Variants in PAN3 observed in about 807,000 individuals in gnomAD.
The protein encoded by PAN3 is poly(A) specific ribonuclease subunit PAN3.
Under a neutral mutation model 96.2 loss-of-function variants are expected in PAN3, and 19 were observed. The ratio of observed to expected loss-of-function variants is 0.20; its 90% CI spans 0.14 to 0.29. The LOEUF is 0.29. Among genes scored for constraint, PAN3 ranks in the 10% least tolerant of loss-of-function variants. The pLI is 1.00. For missense variants in PAN3, 882 were observed against 1,108.1 expected (o/e 0.80, Z 2.90); for synonymous variants, 433 against 406.6 (o/e 1.06, Z -0.78).
Position 28,138,809 on chromosome 13 carries a change from A to G in PAN3, c.152A>G (p.Tyr51Cys). The G allele has an allele frequency of 7.1e-7, 1 of 1,406,722 alleles. No individual in the cohort carries two copies. Among genetic ancestry groups the G allele is most frequent in the Non-Finnish European group, 9.2e-7 (1 of 1,083,312 alleles). 87.1% of individuals were successfully genotyped at this position (1,406,722 alleles called of 1,614,324 possible). A position where few individuals can be genotyped will look rare whatever the true frequency, so the allele number is the denominator to read the frequency against. Residue 51 changes from tyrosine (Y) to cysteine (C), a missense_variant, in exon 1 of 19, where the codon TAC becomes TGC. By Grantham distance (194) the Tyr-to-Cys change is radical. Coordinates refer to ENST00000380958, the MANE Select transcript of PAN3 (RefSeq NM_175854.8). ...AVGVKLKYCR[Y>C]YAKDKTCFYG... The stretch of plus-strand genomic sequence containing the variant: ...GGAGTGAAGCTGAAGTACTGCCGCT[A>G]CTACGCTAAGGATAAGACTTGCTTC...
In PAN3 at chr13:28,160,797, AAGT is replaced by A. The variant is rs988448392; in HGVS notation, c.431-13473_431-13471del. Among the ~76,000 whole-genome samples, 65 of 152,320 alleles carry A rather than the reference AAGT, an allele frequency of 4.3e-4. 1 individual carries two copies. Among genetic ancestry groups the A allele is most frequent in the African/African-American group, 1.4e-3 (59 of 41,566 alleles). On this transcript the variant is annotated intron_variant, in intron 1 of 18. Transcript: ENST00000380958. ...GATCTATTTAGATTGCTGGAAAGTT[AAGT>A]ACTTGAACTATATCGTTAGTTCTTT...
At chr13:28,149,526 C>A (rs1871100501) in intron 1 of PAN3, among the ~76,000 whole-genome samples, 1 of 152,048 alleles carries the variant, frequency 6.6e-6, no homozygotes, top group South Asian at 2.1e-4. Context: ...TTGTAAGTAG[C>A]CTAGTAGTCG....
Position 28,272,060 on chromosome 13 carries a change from G to A in PAN3, c.2038G>A (p.Ala680Thr). Residue 680 changes from alanine (A) to threonine (T), a missense_variant, in exon 14 of 19, where the codon GCC becomes ACC. Physicochemically the swap from Ala to Thr is moderately conservative, Grantham distance 58. Around this residue, in one of 3 missense-constraint regions of PAN3, gnomAD observed 364 missense variants for 513.6 expected, o/e 0.71. Transcript: ENST00000380958. Reference protein sequence around the residue: ...SQNNNPLALMAQYQQADLISL... With the variant: ...SQNNNPLALMTQYQQADLISL... ...AAATAATAATCCATTGGCATTAATG[G>A]CCCAGTACCAGGTGAGTAAGAATTA... is the stretch of plus-strand genomic sequence containing the variant. 1 of 1,566,262 alleles carries A rather than the reference G, an allele frequency of 6.4e-7. No individual in the cohort carries two copies. The highest frequency in any genetic ancestry group is 1.7e-4 in the Middle Eastern group (1 of 5,916).
At chr13:28,176,915 C>T (rs151017867) in intron 3 of PAN3, among the ~76,000 whole-genome samples, 172 of 151,594 alleles carry the variant, frequency 1.1e-3, no homozygotes, top group African/African-American at 3.8e-3. Flanking sequence ...TAACATCTTG[C>T]TCTTTGCACT....
chr13:28,217,152 A>G (rs1880881052), intron 5 of PAN3, among the ~76,000 whole-genome samples: 2 of 152,148 alleles, frequency 1.3e-5, no homozygotes, highest in South Asian at 2.1e-4. Context: ...ACAACATTTA[A>G]GCTAACGGTC....
intron 18 of PAN3, among the ~76,000 whole-genome samples, chr13:28,291,691 C>G (rs1306342583): frequency 6.6e-6 from 1 of 151,944 alleles, no homozygotes; most frequent in African/African-American, 2.4e-5. Context: ...ATTAGCTGGG[C>G]GTGGTGGCAG....
At chr13:28,203,118 A>G (rs1334614672) in intron 5 of PAN3, among the ~76,000 whole-genome samples, 3 of 149,278 alleles carry the variant, frequency 2.0e-5, no homozygotes, top group Admixed American at 2.0e-4. Context: ...GTGTGCCACC[A>G]TGCCTGGCTA....
rs140277659 is a variant in PAN3 at position 28,288,453 on chromosome 13, C to G, written c.2523+331C>G. The stretch of plus-strand genomic sequence containing the variant: ...TAGCTAGGATTACAGGCACCCATCA[C>G]CATGCGCAGCTAATCTTTAGTAGCG... On this transcript the variant is annotated intron_variant, in intron 18 of 18. Transcript: ENST00000380958. 6.3e-4 allele frequency among the ~76,000 whole-genome samples: 96 copies of G among 152,236 alleles called. 1 individual carries two copies. The East Asian group carries it at 0.014, about 23-fold the overall frequency.
intron 4 of PAN3, among the ~76,000 whole-genome samples, chr13:28,192,712 G>A (rs953086525): frequency 6.6e-6 from 1 of 152,150 alleles, no homozygotes; most frequent in African/African-American, 2.4e-5. Flanking sequence ...CGTAAGGTGT[G>A]TGTTGTGTTC....
At chr13:28,227,566 T>C (rs1882131726) in intron 6 of PAN3, among the ~76,000 whole-genome samples, 1 of 152,204 alleles carries the variant, frequency 6.6e-6, no homozygotes. Flanking sequence ...ATTTTCAGCA[T>C]ACCGCTTGGT....
chr13:28,188,315 T>A (rs1876761088), intron 4 of PAN3, among the ~76,000 whole-genome samples: 1 of 152,198 alleles, frequency 6.6e-6, no homozygotes, highest in South Asian at 2.1e-4. Context: ...TCCTGATACT[T>A]TAGCATATCT....
chr13:28,162,827 G>A (rs1047244641), intron 1 of PAN3, among the ~76,000 whole-genome samples: 1 of 150,406 alleles, frequency 6.6e-6, no homozygotes, highest in South Asian at 2.1e-4. Context: ...GGGTGACAGA[G>A]GGAGACTTTT....
intron 6 of PAN3, among the ~76,000 whole-genome samples, chr13:28,221,188 A>C (rs956125420): frequency 2.0e-5 from 3 of 152,128 alleles, no homozygotes; most frequent in African/African-American, 4.8e-5. Context: ...CCACTGCTGT[A>C]TACCTTGATT....
chr13:28,246,407 T>C (rs1368807621), intron 6 of PAN3, among the ~76,000 whole-genome samples: 3 of 152,214 alleles, frequency 2.0e-5, no homozygotes, highest in African/African-American at 7.2e-5. Flanking sequence ...GAAATTGGGA[T>C]AGCCATTCCC....
intron 5 of PAN3, among the ~76,000 whole-genome samples, chr13:28,210,078 G>T (rs73156301): frequency 0.1 from 15,903 of 152,026 alleles, 1,036 homozygotes; most frequent in Middle Eastern, 0.18. Context: ...GCCACTGCAC[G>T]GCCTTATTTT....
chr13:28,139,685 C>T (rs1196788480), intron 1 of PAN3, among the ~76,000 whole-genome samples: 1 of 152,064 alleles, frequency 6.6e-6, no homozygotes, highest in Non-Finnish European at 1.5e-5. Flanking sequence ...AGGGAGCGGA[C>T]TGTCGCGTTC....
chr13:28,194,447 TATGTATATATATATATA>T (rs1213743707), intron 4 of PAN3, among the ~76,000 whole-genome samples: 142 of 115,010 alleles, frequency 1.2e-3, no homozygotes, highest in African/African-American at 5.4e-3. Context: ...CATATATATG[TATGTATATATATATATA>T]TATTTTTTTT....
chr13:28,270,374 A>G (rs371751286), intron 12 of PAN3, among the ~76,000 whole-genome samples: 44 of 152,278 alleles, frequency 2.9e-4, no homozygotes, highest in African/African-American at 1.0e-3. Context: ...AAAAACCTCT[A>G]CGGTTTCTGT....
At chr13:28,224,447 TATC>T (rs1881779040) in intron 6 of PAN3, among the ~76,000 whole-genome samples, 1 of 152,194 alleles carries the variant, frequency 6.6e-6, no homozygotes, top group Admixed American at 6.5e-5. Flanking sequence ...TCTGCTTAAT[TATC>T]ATGTGTGGGC....
Sources: allele counts gnomAD v4.1 joint callset (sites outside exome capture counted in the v4.1 genomes callset), GRCh38; gene constraint gnomAD v4.1.1; regional missense constraint gnomAD v4.1.1; transcripts MANE v1.5; gene names NCBI Gene and HGNC (gene_info 2026-07-23, HGNC 2026-07-21).